Variants in FAM110B observed in about 807,000 individuals in gnomAD.
FAM110B encodes the protein family with sequence similarity 110 member B.
FAM110B carries 6 observed loss-of-function variants against 20.4 expected under a neutral mutation model. The observed-to-expected ratio is 0.29, with a 90% confidence interval of 0.16 to 0.58. The LOEUF is 0.58. FAM110B is among the 20% of genes least tolerant of loss of function. FAM110B has a pLI of 0.90. For missense variants in FAM110B, 434 were observed against 498.2 expected (o/e 0.87, Z 1.23); for synonymous variants, 226 against 214.1 (o/e 1.06, Z -0.49).
chr8:58,102,928 A>G (rs1301824418), intron 3 of FAM110B, among the ~76,000 whole-genome samples: 1 of 151,120 alleles, frequency 6.6e-6, no homozygotes, highest in East Asian at 2.0e-4. Flanking sequence ...AGAAGAGAGT[A>G]CTACAATTAG....
intron 2 of FAM110B, among the ~76,000 whole-genome samples, chr8:58,059,500 A>T (rs750046913): frequency 6.6e-6 from 1 of 152,046 alleles, no homozygotes; most frequent in African/African-American, 2.4e-5. Context: ...CATTTCCCTT[A>T]TAACTACTGA....
rs185296220 is a variant in FAM110B at position 58,000,393 on chromosome 8, C to T, written c.-512+5587C>T. On this transcript the variant is annotated intron_variant, in intron 1 of 3. Coordinates refer to ENST00000519262, the MANE Select transcript of FAM110B (RefSeq NM_001377989.1). ...CTCATTGTAATGACTTTTGTTAGTA[C>T]ATTGATTTTGATGCTGTTTGTATTT... Among the ~76,000 whole-genome samples, 336 of 152,242 alleles carry T rather than the reference C, an allele frequency of 2.2e-3. 3 individuals are homozygous for T. The highest frequency in any genetic ancestry group is 0.021 in the Admixed American group (320 of 15,288).
intron 2 of FAM110B, among the ~76,000 whole-genome samples, chr8:58,062,891 G>A (rs1454299754): frequency 1.3e-5 from 2 of 152,276 alleles, no homozygotes; most frequent in Admixed American, 1.3e-4. Flanking sequence ...AATAACCAAG[G>A]AATGAAATAT....
At chr8:57,997,598 A>G (rs539267635) in intron 1 of FAM110B, among the ~76,000 whole-genome samples, 1 of 152,304 alleles carries the variant, frequency 6.6e-6, no homozygotes, top group African/African-American at 2.4e-5. Context: ...CCTAGGGCCA[A>G]TTCTCATTTA....
At chr8:58,008,252 C>A (rs989294735) in intron 1 of FAM110B, among the ~76,000 whole-genome samples, 8 of 151,464 alleles carry the variant, frequency 5.3e-5, no homozygotes, top group African/African-American at 1.9e-4. Flanking sequence ...CCTGCCTCAG[C>A]TTCCCAAGTA....
At chr8:58,025,940 AT>A (rs1427172041) in intron 1 of FAM110B, among the ~76,000 whole-genome samples, 1 of 152,122 alleles carries the variant, frequency 6.6e-6, no homozygotes, top group African/African-American at 2.4e-5. Context: ...ATCAACTTGG[AT>A]TGTGCAGGAG....
intron 2 of FAM110B, among the ~76,000 whole-genome samples, chr8:58,059,156 G>A (rs936662754): frequency 6.6e-6 from 1 of 152,262 alleles, no homozygotes; most frequent in South Asian, 2.1e-4. Context: ...TCCATTGTCT[G>A]GCTATACCAT....
chr8:58,066,710 C>T lies in FAM110B; in HGVS notation c.-413-8825C>T, dbSNP rs117109924. On this transcript the variant is annotated intron_variant, in intron 2 of 3. Transcript: ENST00000519262. ...TCGGTGTGGGGTGATCCTGGTGGCT[C>T]CCCGGACCTGGCTTGCGTTGACTAG... Among the ~76,000 whole-genome samples the T allele has an allele frequency of 2.0e-5, 3 of 152,220 alleles. No individual in the cohort carries two copies. In the East Asian group the frequency reaches 5.8e-4, roughly 29 times the overall value.
intron 2 of FAM110B, among the ~76,000 whole-genome samples, chr8:58,071,946 G>A (rs962028615): frequency 6.6e-6 from 1 of 152,154 alleles, no homozygotes. Flanking sequence ...CAGTAGCGGA[G>A]AGTGCAGTTT....
chr8:58,045,425 T>A (rs1376614333), intron 2 of FAM110B, among the ~76,000 whole-genome samples: 1 of 152,216 alleles, frequency 6.6e-6, no homozygotes, highest in African/African-American at 2.4e-5. Context: ...GTGAAATGAA[T>A]GAACTGTTTC....
At chr8:58,129,257 G>T (rs1807591419) in intron 3 of FAM110B, among the ~76,000 whole-genome samples, 4 of 152,208 alleles carry the variant, frequency 2.6e-5, no homozygotes, top group Non-Finnish European at 5.9e-5. Context: ...TGTCATCTCA[G>T]CTCTGAGCCA....
At chr8:58,025,963 T>G (rs1203089263) in intron 1 of FAM110B, among the ~76,000 whole-genome samples, 1 of 152,208 alleles carries the variant, frequency 6.6e-6, no homozygotes, top group African/African-American at 2.4e-5. Flanking sequence ...TCCATGGTCT[T>G]TCCAGACTCA....
At chr8:58,123,972 A>G (rs1477253354) in intron 3 of FAM110B, among the ~76,000 whole-genome samples, 1 of 152,246 alleles carries the variant, frequency 6.6e-6, no homozygotes, top group African/African-American at 2.4e-5. Flanking sequence ...GCAAAGGATA[A>G]GATATCCATG....
At chr8:58,049,496 T>TA (rs1490291315) in intron 2 of FAM110B, among the ~76,000 whole-genome samples, 2 of 152,264 alleles carry the variant, frequency 1.3e-5, no homozygotes, top group East Asian at 3.9e-4. Context: ...CATTAGCTTG[T>TA]AACAGTCTTG....
chr8:58,128,621 T>A (rs1409279674), intron 3 of FAM110B, among the ~76,000 whole-genome samples: 1 of 152,200 alleles, frequency 6.6e-6, no homozygotes, highest in Non-Finnish European at 1.5e-5. Flanking sequence ...TTCTCATCTG[T>A]CAGAGAAGGA....
At chr8:58,104,869 ATGT>A (rs1806870128) in intron 3 of FAM110B, among the ~76,000 whole-genome samples, 1 of 152,000 alleles carries the variant, frequency 6.6e-6, no homozygotes, top group African/African-American at 2.4e-5. Context: ...TTGGAAATAA[ATGT>A]TGAATTTTAA....
chr8:58,036,574 T>C (rs1412324580), intron 2 of FAM110B, among the ~76,000 whole-genome samples: 2 of 152,200 alleles, frequency 1.3e-5, no homozygotes, highest in East Asian at 3.9e-4. Flanking sequence ...TCTCAAAATT[T>C]GTAATCATGC....
At chr8:58,124,766 T>C (rs1807452338) in intron 3 of FAM110B, among the ~76,000 whole-genome samples, 1 of 152,178 alleles carries the variant, frequency 6.6e-6, no homozygotes. Context: ...ATTAAAATAG[T>C]CACTTAAAAT....
chr8:58,006,703 A>C, intron 1 of FAM110B, among the ~76,000 whole-genome samples: 1 of 151,190 alleles, frequency 6.6e-6, no homozygotes, highest in East Asian at 2.0e-4. Context: ...CCCAGGTTCA[A>C]GCGATTATCC....
Sources: allele counts gnomAD v4.1 joint callset (sites outside exome capture counted in the v4.1 genomes callset), GRCh38; gene constraint gnomAD v4.1.1; transcripts MANE v1.5; gene names NCBI Gene and HGNC (gene_info 2026-07-23, HGNC 2026-07-21).